KLK6: variants seen among roughly 807,000 people sequenced by gnomAD.
The protein encoded by KLK6 is kallikrein related peptidase 6.
A neutral mutation model predicts 21.7 loss-of-function variants in KLK6; 16 were observed. The observed-to-expected ratio is 0.74, with a 90% confidence interval of 0.50 to 1.12. KLK6 has a LOEUF of 1.12. Among genes scored for constraint, KLK6 ranks in the 50% most tolerant of loss-of-function variants. The pLI is 0.00. For synonymous variants in KLK6, 116 were observed against 120.1 expected (o/e 0.97, Z 0.22); for missense variants, 276 against 304.6 (o/e 0.91, Z 0.70).
chr19:50,963,568 G>A lies in KLK6; in HGVS notation c.198-19C>T. On this transcript the variant is annotated intron_variant, in intron 4 of 6. Transcript: ENST00000310157. ...AAGATTCCTGGGAAGGAAGAGGGCT[G>A]GGTCTCACCTGGAGCCCTTGGGCTG... 5 of 1,613,060 alleles carry A rather than the reference G, an allele frequency of 3.1e-6. No homozygotes were observed. Among genetic ancestry groups the A allele is most frequent in the Non-Finnish European group, 4.2e-6 (5 of 1,179,452 alleles).
chr19:50,965,317 C>T (rs1377173235), intron 4 of KLK6, among the ~76,000 whole-genome samples: 2 of 150,162 alleles, frequency 1.3e-5, no homozygotes, highest in Admixed American at 6.7e-5. Flanking sequence ...CAGAGTCTCG[C>T]TCTGTGGTTC....
chr19:50,966,383 C>T (rs562139511), intron 4 of KLK6, among the ~76,000 whole-genome samples: 10 of 152,346 alleles, frequency 6.6e-5, no homozygotes, highest in African/African-American at 2.2e-4. Flanking sequence ...ATCCCCACTG[C>T]GACCGCCTGG....
chr19:50,959,966 G>GAAC (rs1272497663), intron 6 of KLK6, among the ~76,000 whole-genome samples: 1 of 83,006 alleles, frequency 1.2e-5, no homozygotes, highest in African/African-American at 6.7e-5. Flanking sequence ...AGGAAGAGGA[G>GAAC]GAGGAGGAAG....
Position 50,959,363 on chromosome 19 carries a change from CTGTGTGTGTGTGTGTGTG to C in KLK6, c.583-65_583-48del, listed in dbSNP as rs71185782. The C allele has an allele frequency of 1.0e-3, 877 of 841,860 alleles. 4 individuals are homozygous for C. In the African/African-American group the frequency reaches 0.015, roughly 14 times the overall value. The allele number at this position is 841,860 out of a possible 1,614,324, so 52.1% of individuals were successfully genotyped here. A position where few individuals can be genotyped will look rare whatever the true frequency, so the allele number is the denominator to read the frequency against. ...TCAGATACAGATAGAAACCCAGAGA[CTGTGTGTGTGTGTGTGTG>C]TGTGTGTGTGTGTGTGTGTGTGTGT... is the stretch of plus-strand genomic sequence containing the variant. On this transcript the variant is annotated intron_variant, in intron 6 of 6. Transcript: ENST00000310157.
At chr19:50,965,483 G>A in intron 4 of KLK6, among the ~76,000 whole-genome samples, 1 of 151,612 alleles carries the variant, frequency 6.6e-6, no homozygotes, top group East Asian at 1.9e-4. Context: ...ACAGGGTTGA[G>A]CCATGTTGGC....
In KLK6 at chr19:50,967,077, G is replaced by A. The variant is rs996616688; in HGVS notation, c.197+92C>T. On this transcript the variant is annotated intron_variant, in intron 4 of 6. Coordinates refer to ENST00000310157, the MANE Select transcript of KLK6 (RefSeq NM_002774.4). ...CTATCAGATGGCCTCGTGCTGGGAT[G>A]GGGGGGATGCCTATGTCACCTCCTG... 14 of 1,388,086 alleles carry A rather than the reference G, an allele frequency of 1.0e-5. No individual in the cohort carries two copies. The African/African-American group carries it at 1.4e-4, about 14-fold the overall frequency. The allele number at this position is 1,388,086 out of a possible 1,614,324, so 86.0% of individuals were successfully genotyped here. A position where few individuals can be genotyped will look rare whatever the true frequency, so the allele number is the denominator to read the frequency against.
At chr19:50,968,223 G>T in intron 2 of KLK6, 111 bp from the exon 3 acceptor site, 2 of 949,500 alleles carry the variant, frequency 2.1e-6, no homozygotes, top group Non-Finnish European at 3.5e-6. Context: ...ATGGTCTCCT[G>T]CCTTGACCTC....
Position 50,958,893 on chromosome 19 carries a change from A to G in KLK6, c.*271T>C, listed in dbSNP as rs1230286142. 3 of 451,154 alleles carry G rather than the reference A, an allele frequency of 6.6e-6. No homozygotes were observed. Among genetic ancestry groups the G allele is most frequent in the South Asian group, 6.2e-5 (2 of 32,304 alleles). 27.9% of individuals were successfully genotyped at this position (451,154 alleles called of 1,614,324 possible). A position where few individuals can be genotyped will look rare whatever the true frequency, so the allele number is the denominator to read the frequency against. Reference sequence around the variant, plus strand: ...AATCAAACGTGTGGAAGGGTTGGGGAGAGGAGATGCCTAGAAGGGATTTTC... The same window carrying G: ...AATCAAACGTGTGGAAGGGTTGGGGGGAGGAGATGCCTAGAAGGGATTTTC... On this transcript the variant is annotated 3_prime_UTR_variant, in exon 7 of 7. Coordinates refer to ENST00000310157, the MANE Select transcript of KLK6 (RefSeq NM_002774.4).
chr19:50,967,658 T>G (rs1040645779), intron 3 of KLK6, among the ~76,000 whole-genome samples: 7 of 151,150 alleles, frequency 4.6e-5, no homozygotes, highest in Non-Finnish European at 7.4e-5. Context: ...GAACTATGGA[T>G]CATGCCACTA....
chr19:50,967,867 C>T (rs1042127507), intron 3 of KLK6, among the ~76,000 whole-genome samples, 198 bp downstream of exon 3: 5 of 151,792 alleles, frequency 3.3e-5, no homozygotes, highest in Non-Finnish European at 4.4e-5. Context: ...ACCCCAAACC[C>T]TCATATCTTC....
At chr19:50,964,754 G>T (rs772901957) in intron 4 of KLK6, among the ~76,000 whole-genome samples, 115 of 152,182 alleles carry the variant, frequency 7.6e-4, no homozygotes, top group Admixed American at 3.3e-4. Flanking sequence ...ATCACCCATG[G>T]CTCCCCATTG....
intron 4 of KLK6, among the ~76,000 whole-genome samples, chr19:50,966,607 C>G (rs1053661924): frequency 3.9e-5 from 6 of 152,192 alleles, no homozygotes; most frequent in African/African-American, 1.4e-4. Context: ...TCGAGACCAG[C>G]CTGGCCAACA....
Position 50,961,858 on chromosome 19 carries a change from C to G in KLK6, c.468G>C (p.Gln156His). Residue 156 changes from glutamine to histidine, a missense_variant, in exon 6 of 7, where the codon CAG (glutamine) becomes CAC (histidine). Transcript: ENST00000310157. ...GGGACACCAGGTGGATGTATGCACA[C>G]TGGATGGTGTCAGGGAAATCACCTG... ...TADGDFPDTI[Q>H]CAYIHLVSRE... is the part of the protein sequence containing the mutation. 1 of 1,613,900 alleles carries G rather than the reference C, an allele frequency of 6.2e-7. No homozygotes were observed. The highest frequency in any genetic ancestry group is 8.5e-7 in the Non-Finnish European group (1 of 1,179,854).
intron 6 of KLK6, 109 bp from the exon 7 acceptor site, chr19:50,959,425 G>GA: frequency 1.0e-6 from 1 of 959,028 alleles, no homozygotes; most frequent in Admixed American, 2.4e-5. Flanking sequence ...GAGAGAGGTA[G>GA]AAAGGGACAG....
rs1366324007 is a variant in KLK6 at position 50,959,129 on chromosome 19, G to A, written c.*35C>T. ...AGACGTTCTGGAACCAGCCAGTGGGGTGGTAGGTCGGGAGGTAGATGTCAC... is the reference window on the plus strand; with the variant it reads ...AGACGTTCTGGAACCAGCCAGTGGGATGGTAGGTCGGGAGGTAGATGTCAC... On this transcript the variant is annotated 3_prime_UTR_variant, in exon 7 of 7. Transcript: ENST00000310157. The A allele has an allele frequency of 8.7e-6, 14 of 1,612,642 alleles. No individual in the cohort carries two copies. Among genetic ancestry groups the A allele is most frequent in the African/African-American group, 1.3e-5 (1 of 74,902 alleles).
intron 6 of KLK6, among the ~76,000 whole-genome samples, chr19:50,960,075 G>A (rs1600087954): frequency 1.3e-5 from 1 of 76,546 alleles, no homozygotes; most frequent in East Asian, 5.6e-4. Flanking sequence ...AGGAGGAGGG[G>A]GAGGAGGAGG....
intron 3 of KLK6, 111 bp downstream of exon 3, chr19:50,967,954 G>C (rs2090953655): frequency 1.5e-6 from 1 of 664,814 alleles, no homozygotes; most frequent in South Asian, 1.6e-5. Flanking sequence ...TCATTTCAAA[G>C]CTCCCCCACC....
chr19:50,967,511 C>CCACACACA (rs146062864), intron 3 of KLK6, among the ~76,000 whole-genome samples, 186 bp from the exon 4 acceptor site: 15,923 of 125,382 alleles, frequency 0.13, 1,164 homozygotes, highest in East Asian at 0.21. Context: ...GACCTCATCT[C>CCACACACA]CACACACACA....
intron 3 of KLK6, 28 bp downstream of exon 3, chr19:50,968,037 C>T (rs1409670825): frequency 6.2e-7 from 1 of 1,610,698 alleles, no homozygotes; most frequent in East Asian, 2.2e-5. Flanking sequence ...GTCTGCAAGC[C>T]TCCCCCATCC....
Sources: allele counts gnomAD v4.1 joint callset (sites outside exome capture counted in the v4.1 genomes callset), GRCh38; gene constraint gnomAD v4.1.1; transcripts MANE v1.5; gene names NCBI Gene and HGNC (gene_info 2026-07-23, HGNC 2026-07-21).